Variants in FRK observed in about 807,000 individuals in gnomAD.
FRK encodes fyn related Src family tyrosine kinase.
A neutral mutation model predicts 56.4 loss-of-function variants in FRK; 51 were observed. The ratio of observed to expected loss-of-function variants is 0.90; its 90% CI spans 0.72 to 1.14. The LOEUF is 1.14. Among genes scored for constraint, FRK ranks in the 50% most tolerant of loss-of-function variants. FRK has a pLI of 0.00. For missense variants in FRK, 570 were observed against 601.4 expected (o/e 0.95, Z 0.55); for synonymous variants, 245 against 217.9 (o/e 1.12, Z -1.10).
chr6:116,029,014 G>T (rs1000953924), intron 1 of FRK, among the ~76,000 whole-genome samples: 1 of 151,940 alleles, frequency 6.6e-6, no homozygotes, highest in African/African-American at 2.4e-5. Context: ...ATTCTGTTTT[G>T]CTCACTCTGC....
chr6:115,988,688 C>T (rs1241441275), intron 2 of FRK, among the ~76,000 whole-genome samples: 1 of 151,942 alleles, frequency 6.6e-6, no homozygotes, highest in African/African-American at 2.4e-5. Context: ...TTGAGTAGCA[C>T]TCAACATCAT....
At chr6:115,978,640 C>A (rs180960906) in intron 2 of FRK, among the ~76,000 whole-genome samples, 2 of 152,204 alleles carry the variant, frequency 1.3e-5, no homozygotes, top group African/African-American at 4.8e-5. Flanking sequence ...TCAACAACAG[C>A]CTGCATAAAT....
At chr6:116,074,295 T>C in the FRK span, among the ~76,000 whole-genome samples, 1 of 152,282 alleles carries the variant, frequency 6.6e-6, no homozygotes, top group Middle Eastern at 3.4e-3. Context: ...GATTTGTACA[T>C]GGCATACTGG....
chr6:115,986,580 C>CT (rs1351886558), intron 2 of FRK, among the ~76,000 whole-genome samples: 2 of 152,118 alleles, frequency 1.3e-5, no homozygotes, highest in African/African-American at 4.8e-5. Context: ...TCTATCTAGC[C>CT]TTTAATTCCT....
intron 1 of FRK, among the ~76,000 whole-genome samples, chr6:116,017,860 C>A (rs955476919): frequency 6.6e-6 from 1 of 152,174 alleles, no homozygotes; most frequent in African/African-American, 2.4e-5. Context: ...ACCTTTTTCT[C>A]TCCAGTCCAC....
At chr6:116,094,548 GA>G in the FRK span, among the ~76,000 whole-genome samples, 1 of 151,964 alleles carries the variant, frequency 6.6e-6, no homozygotes, top group Non-Finnish European at 1.5e-5. Flanking sequence ...CTGCAATATG[GA>G]AAAAAAGGGA....
the FRK span, among the ~76,000 whole-genome samples, chr6:116,069,497 A>G: frequency 1.3e-5 from 2 of 152,120 alleles, no homozygotes; most frequent in African/African-American, 2.4e-5. Context: ...TTGGCCAGGC[A>G]TGGTGGCTCA....
intron 4 of FRK, among the ~76,000 whole-genome samples, 194 bp from the exon 5 acceptor site, chr6:115,956,804 C>G (rs1773010537): frequency 6.6e-6 from 1 of 152,106 alleles, no homozygotes; most frequent in African/African-American, 2.4e-5. Context: ...GTTGGTGCAT[C>G]AGGAGTATAC....
the FRK span, among the ~76,000 whole-genome samples, chr6:116,076,950 A>G: frequency 6.6e-6 from 1 of 152,204 alleles, no homozygotes. Flanking sequence ...CTCTATCTGC[A>G]TTATCTTGAA....
In FRK at chr6:115,984,754, TAA is replaced by T. The variant is rs71012318; in HGVS notation, c.467-16017_467-16016del. The stretch of plus-strand genomic sequence containing the variant: ...ATTCACACAAAGTCTAAGGGGAGAT[TAA>T]AAAAAAAAAAAAAACTCCAATAGCT... On this transcript the variant is annotated intron_variant, in intron 2 of 7. Coordinates refer to ENST00000606080, the MANE Select transcript of FRK (RefSeq NM_002031.3). 4.5e-3 allele frequency among the ~76,000 whole-genome samples: 635 copies of T among 141,720 alleles called. 3 individuals carry two copies. Among genetic ancestry groups the T allele is most frequent in the African/African-American group, 8.6e-3 (333 of 38,560 alleles). The allele number at this position is 141,720 out of a possible 152,430, so 93.0% of individuals were successfully genotyped here. A position where few individuals can be genotyped will look rare whatever the true frequency, so the allele number is the denominator to read the frequency against.
chr6:116,070,355 G>A, the FRK span, among the ~76,000 whole-genome samples: 1 of 152,128 alleles, frequency 6.6e-6, no homozygotes, highest in Non-Finnish European at 1.5e-5. Flanking sequence ...GTGAGTGGAA[G>A]AAGAAAAGTA....
chr6:116,050,831 G>A (rs748960770), intron 1 of FRK, among the ~76,000 whole-genome samples: 6 of 152,160 alleles, frequency 3.9e-5, no homozygotes, highest in Non-Finnish European at 8.8e-5. Flanking sequence ...GACCAGAAAT[G>A]GTGAAAAGAC....
At chr6:115,946,659 A>C (rs1247821558) in intron 5 of FRK, among the ~76,000 whole-genome samples, 1 of 152,206 alleles carries the variant, frequency 6.6e-6, no homozygotes, top group East Asian at 1.9e-4. Flanking sequence ...AAACAGTAAA[A>C]GTGGGTGAGA....
intron 1 of FRK, among the ~76,000 whole-genome samples, 188 bp from the exon 2 acceptor site, chr6:116,004,186 A>T (rs1032291188): frequency 2.0e-5 from 3 of 152,080 alleles, no homozygotes; most frequent in Non-Finnish European, 4.4e-5. Flanking sequence ...CCACACCAAC[A>T]TTTATTTTTT....
chr6:115,944,485 A>T, intron 5 of FRK, 60 bp from the exon 6 acceptor site: 3 of 1,361,138 alleles, frequency 2.2e-6, no homozygotes, highest in Non-Finnish European at 3.0e-6. Context: ...TATGAAAGTG[A>T]ATTCTGAGAA....
chr6:115,987,552 C>T (rs1356051968), intron 2 of FRK, among the ~76,000 whole-genome samples: 2 of 152,068 alleles, frequency 1.3e-5, no homozygotes, highest in Non-Finnish European at 2.9e-5. Flanking sequence ...TAAGTGTTTT[C>T]CTTTATTTTG....
intron 5 of FRK, among the ~76,000 whole-genome samples, chr6:115,944,859 T>A (rs1772359835): frequency 6.6e-6 from 1 of 152,152 alleles, no homozygotes; most frequent in African/African-American, 2.4e-5. Context: ...TTATTTTTCC[T>A]GATCCTTTCC....
upstream of FRK, among the ~76,000 whole-genome samples, chr6:116,061,434 G>T (rs868578529): frequency 2.5e-5 from 3 of 121,040 alleles, no homozygotes; most frequent in East Asian, 3.0e-4. Context: ...ACACACACAC[G>T]CTACACACCA....
upstream of FRK, among the ~76,000 whole-genome samples, chr6:116,065,750 TA>T (rs960032347): frequency 6.6e-6 from 1 of 152,214 alleles, no homozygotes; most frequent in African/African-American, 2.4e-5. Context: ...TTTATGTACT[TA>T]ATGTAGTGTT....
Sources: gnomAD v4.1 joint callset for allele counts (sites outside exome capture counted in the v4.1 genomes callset) on GRCh38, gnomAD v4.1.1 for gene constraint, MANE v1.5 for transcripts, NCBI Gene and HGNC (gene_info 2026-07-23, HGNC 2026-07-21) for gene names.